PPP1R9A: variants seen among roughly 807,000 people sequenced by gnomAD.
The protein encoded by PPP1R9A is neurabin-1.
A neutral mutation model predicts 141.9 loss-of-function variants in PPP1R9A; 59 were observed. That is an observed-to-expected ratio of 0.42 (90% CI 0.34 to 0.52). The LOEUF is 0.52. Among genes scored for constraint, PPP1R9A ranks in the 20% least tolerant of loss-of-function variants. The pLI is 0.10. For missense variants in PPP1R9A, 1,444 were observed against 1,611.9 expected (o/e 0.90, Z 1.78); for synonymous variants, 500 against 569.7 (o/e 0.88, Z 1.74).
intron 2 of PPP1R9A, chr7:95,035,829 A>AT (rs1808354856): frequency 1.3e-5 from 2 of 152,122 alleles, no homozygotes; most frequent in South Asian, 2.1e-4. Context: ...CAGTCGTACG[A>AT]TTTTCTTCTT....
intron 6 of PPP1R9A, among the ~76,000 whole-genome samples, chr7:95,201,307 G>A (rs1365569547): frequency 6.6e-6 from 1 of 152,032 alleles, no homozygotes; most frequent in Non-Finnish European, 1.5e-5. Flanking sequence ...TCACTTTATG[G>A]AAAAAAGTCA....
At chr7:95,185,378 A>T (rs1276681670) in intron 5 of PPP1R9A, among the ~76,000 whole-genome samples, 2 of 148,816 alleles carry the variant, frequency 1.3e-5, no homozygotes, top group African/African-American at 4.9e-5. Flanking sequence ...TTTTTATGGG[A>T]TTTTTTTTTT....
chr7:95,104,221 C>G (rs1435231059), intron 2 of PPP1R9A, among the ~76,000 whole-genome samples: 1 of 152,178 alleles, frequency 6.6e-6, no homozygotes, highest in African/African-American at 2.4e-5. Context: ...AATAACCTAA[C>G]TAGTACTCCA....
intron 4 of PPP1R9A, among the ~76,000 whole-genome samples, chr7:95,139,796 A>C (rs1487085061): frequency 1.3e-5 from 2 of 150,704 alleles, no homozygotes; most frequent in Non-Finnish European, 3.0e-5. Flanking sequence ...TGTACATTAC[A>C]TAAAGCAAAA....
At chr7:95,200,269 CTTT>C (rs761784471) in intron 6 of PPP1R9A, among the ~76,000 whole-genome samples, 5 of 144,062 alleles carry the variant, frequency 3.5e-5, no homozygotes, top group South Asian at 2.2e-4. Flanking sequence ...AAATTTTGCT[CTTT>C]TTTTTTTTTT....
At chr7:95,239,832 T>C (rs958969831) in intron 8 of PPP1R9A, among the ~76,000 whole-genome samples, 2 of 151,838 alleles carry the variant, frequency 1.3e-5, no homozygotes, top group Non-Finnish European at 2.9e-5. Flanking sequence ...GAACAAAATA[T>C]AATTTGAATT....
intron 2 of PPP1R9A, among the ~76,000 whole-genome samples, chr7:95,090,214 T>C (rs760782550): frequency 3.9e-5 from 6 of 151,950 alleles, no homozygotes; most frequent in Non-Finnish European, 8.8e-5. Context: ...AGTTTCAGTT[T>C]ACTGCCTGGC....
chr7:95,111,454 T>G, intron 3 of PPP1R9A, 63 bp downstream of exon 3: 1 of 1,446,222 alleles, frequency 6.9e-7, no homozygotes, highest in Non-Finnish European at 9.3e-7. Context: ...GAATTATTTT[T>G]CCAAAATGTA....
chr7:95,197,756 C>G (rs940052643), intron 5 of PPP1R9A, among the ~76,000 whole-genome samples: 2 of 152,168 alleles, frequency 1.3e-5, no homozygotes, highest in Non-Finnish European at 2.9e-5. Flanking sequence ...TCAAACGATT[C>G]TCCTGCCTCA....
chr7:95,149,705 G>A (rs1828296130), intron 4 of PPP1R9A, among the ~76,000 whole-genome samples: 1 of 128,968 alleles, frequency 7.8e-6, no homozygotes, highest in African/African-American at 2.6e-5. Flanking sequence ...CTACAAAACT[G>A]TGATCAAAGT....
chr7:95,283,442 A>G (rs1023166688), intron 16 of PPP1R9A, among the ~76,000 whole-genome samples: 2 of 152,206 alleles, frequency 1.3e-5, no homozygotes, highest in African/African-American at 4.8e-5. Flanking sequence ...CTGGCCCTCC[A>G]AGTGGGAGAT....
At chr7:95,122,051 T>C (rs1822713721) in intron 4 of PPP1R9A, among the ~76,000 whole-genome samples, 1 of 152,218 alleles carries the variant, frequency 6.6e-6, no homozygotes, top group Non-Finnish European at 1.5e-5. Flanking sequence ...TTTAAATTTT[T>C]TTATGTTTAA....
intron 2 of PPP1R9A, among the ~76,000 whole-genome samples, chr7:95,011,929 G>C (rs943386166): frequency 2.0e-5 from 3 of 152,128 alleles, no homozygotes; most frequent in Non-Finnish European, 4.4e-5. Context: ...ATATATGTCT[G>C]CATTAATGAT....
chr7:94,924,994 A>G (rs975260019), intron 2 of PPP1R9A, among the ~76,000 whole-genome samples: 2 of 152,292 alleles, frequency 1.3e-5, no homozygotes, highest in Non-Finnish European at 2.9e-5. Flanking sequence ...TCCTTTTTCC[A>G]TATCCTATAT....
At chr7:95,066,186 C>T (rs1016657959) in intron 2 of PPP1R9A, among the ~76,000 whole-genome samples, 4 of 152,112 alleles carry the variant, frequency 2.6e-5, no homozygotes. Context: ...ACATACTTAG[C>T]GGTATTTGCA....
At chr7:95,176,410 A>G (rs1832900014) in intron 5 of PPP1R9A, 1 of 152,248 alleles carries the variant, frequency 6.6e-6, no homozygotes. Flanking sequence ...AGAAGGAACC[A>G]GAAAACCAAC....
intron 8 of PPP1R9A, 143 bp downstream of exon 8, chr7:95,226,259 C>T (rs1795129267): frequency 1.3e-5 from 11 of 838,504 alleles, no homozygotes; most frequent in Non-Finnish European, 1.9e-5. Context: ...CATTGAATTT[C>T]AAGTAGAATT....
chr7:95,039,245 A>C (rs1257167660), intron 2 of PPP1R9A, among the ~76,000 whole-genome samples: 1 of 152,178 alleles, frequency 6.6e-6, no homozygotes, highest in Non-Finnish European at 1.5e-5. Flanking sequence ...CAGATGGGCT[A>C]TGTAAGAATG....
intron 16 of PPP1R9A, among the ~76,000 whole-genome samples, chr7:95,279,504 T>C (rs1803775763): frequency 6.6e-6 from 1 of 152,216 alleles, no homozygotes; most frequent in Non-Finnish European, 1.5e-5. Context: ...CTAGCCCATT[T>C]TTAGCTGCAT....
Sources: gnomAD v4.1 joint callset for allele counts (sites outside exome capture counted in the v4.1 genomes callset) on GRCh38, gnomAD v4.1.1 for gene constraint, MANE v1.5 for transcripts, NCBI Gene and HGNC (gene_info 2026-07-23, HGNC 2026-07-21) for gene names.